The following WWOX variants were observed in gnomAD, a reference collection of about 807,000 sequenced individuals.
WWOX encodes the protein WW domain-containing oxidoreductase.
In WWOX, 69 loss-of-function variants were observed where a neutral mutation model predicts 46.2. That is an observed-to-expected ratio of 1.49 (90% CI 1.23 to 1.82). WWOX has a LOEUF of 1.82. Ranked by LOEUF, WWOX falls within the 40% of genes most tolerant of loss-of-function variation. WWOX has a pLI of 0.00. For missense variants in WWOX, 919 were observed against 542.6 expected, an observed-to-expected ratio of 1.69 and a Z score of -6.89; for synonymous variants, 359 against 202.6, an observed-to-expected ratio of 1.77 and a Z score of -6.56.
chr16:78,947,500 T>C (rs1995868), intron 8 of WWOX, among the ~76,000 whole-genome samples: 2,732 of 152,236 alleles, frequency 0.018, 91 homozygotes, highest in African/African-American at 0.062. Context: ...GCAAATTCAG[T>C]GAATGCAGAG....
At chr16:79,056,552 A>G (rs13337209) in intron 8 of WWOX, among the ~76,000 whole-genome samples, 96,359 of 150,928 alleles carry the variant, frequency 0.64, 31,086 homozygotes, top group African/African-American at 0.71. Context: ...GGGGTTGGAT[A>G]ATTTTTTGTT....
At chr16:78,110,282 G>A (rs1006602533) in intron 3 of WWOX, among the ~76,000 whole-genome samples, 1 of 147,300 alleles carries the variant, frequency 6.8e-6, no homozygotes, top group African/African-American at 2.5e-5. Flanking sequence ...GGAAGTTGCA[G>A]TGAGCTGAGA....
intron 8 of WWOX, among the ~76,000 whole-genome samples, chr16:78,502,964 G>T (rs1015929288): frequency 6.6e-6 from 1 of 152,174 alleles, no homozygotes; most frequent in African/African-American, 2.4e-5. Flanking sequence ...AAGAAAGGAA[G>T]GTGCTGCGAT....
chr16:78,379,077 C>A (rs11860534), intron 5 of WWOX, among the ~76,000 whole-genome samples: 3,462 of 152,146 alleles, frequency 0.023, 133 homozygotes, highest in African/African-American at 0.079. Context: ...TCTGTTTTCT[C>A]ATCTGTAAAA....
chr16:78,838,861 A>C (rs2052062299), intron 8 of WWOX, among the ~76,000 whole-genome samples: 1 of 152,164 alleles, frequency 6.6e-6, no homozygotes, highest in Non-Finnish European at 1.5e-5. Flanking sequence ...AGAAAAGAGA[A>C]GAAAAGGAAA....
intron 5 of WWOX, among the ~76,000 whole-genome samples, chr16:78,222,019 A>G (rs915762277): frequency 1.3e-5 from 2 of 152,202 alleles, no homozygotes; most frequent in Non-Finnish European, 2.9e-5. Context: ...TGCCGAGAAA[A>G]GAAAGTCAAG....
At chr16:79,002,849 G>C (rs2047120665) in intron 8 of WWOX, among the ~76,000 whole-genome samples, 1 of 152,200 alleles carries the variant, frequency 6.6e-6, no homozygotes, top group Non-Finnish European at 1.5e-5. Context: ...ACCTCTTCGA[G>C]ATGCTGATTT....
chr16:79,009,891 G>A (rs1441558399), intron 8 of WWOX, among the ~76,000 whole-genome samples: 1 of 152,176 alleles, frequency 6.6e-6, no homozygotes, highest in African/African-American at 2.4e-5. Flanking sequence ...GTCCTGACCT[G>A]AGCTTTGGAA....
intron 6 of WWOX, among the ~76,000 whole-genome samples, chr16:78,415,033 G>C (rs757575094): frequency 2.0e-5 from 3 of 150,028 alleles, no homozygotes; most frequent in Non-Finnish European, 4.4e-5. Context: ...GTTGGACTAA[G>C]GATATTTATA....
intron 8 of WWOX, among the ~76,000 whole-genome samples, chr16:78,499,270 C>T (rs1037184936): frequency 4.6e-5 from 7 of 152,076 alleles, no homozygotes; most frequent in Non-Finnish European, 7.4e-5. Context: ...CAGCAAGCTA[C>T]GATGTTCTTA....
chr16:78,421,178 T>C (rs928879559), intron 6 of WWOX, among the ~76,000 whole-genome samples: 2 of 152,332 alleles, frequency 1.3e-5, no homozygotes, highest in Non-Finnish European at 1.5e-5. Context: ...TTACCACAGA[T>C]GGAGTGCCTC....
chr16:78,833,783 G>C (rs1237591467), intron 8 of WWOX, among the ~76,000 whole-genome samples: 1 of 152,240 alleles, frequency 6.6e-6, no homozygotes, highest in Non-Finnish European at 1.5e-5. Context: ...GGCATAAGAG[G>C]ATCCGATAAA....
chr16:79,025,569 G>C (rs969084158), intron 8 of WWOX, among the ~76,000 whole-genome samples: 1 of 152,040 alleles, frequency 6.6e-6, no homozygotes, highest in Non-Finnish European at 1.5e-5. Context: ...TACCAGGAGA[G>C]GGGCACAAAT....
intron 4 of WWOX, among the ~76,000 whole-genome samples, chr16:78,132,580 G>A (rs1236013054): frequency 6.6e-6 from 1 of 152,178 alleles, no homozygotes; most frequent in East Asian, 1.9e-4. Flanking sequence ...TCCAGTCCAT[G>A]CTTATAACCT....
At chr16:78,355,434 C>G (rs903951583) in intron 5 of WWOX, 4 of 307,534 alleles carry the variant, frequency 1.3e-5, no homozygotes, top group Admixed American at 8.6e-5. Flanking sequence ...AACCGTGTCT[C>G]TACTAAAAGT....
At chr16:78,931,465 A>G (rs1380800574) in intron 8 of WWOX, among the ~76,000 whole-genome samples, 1 of 152,214 alleles carries the variant, frequency 6.6e-6, no homozygotes, top group African/African-American at 2.4e-5. Context: ...AACTCTGCAT[A>G]GTCAGCAGAT....
At chr16:78,306,124 C>T (rs1319387368) in intron 5 of WWOX, among the ~76,000 whole-genome samples, 2 of 152,040 alleles carry the variant, frequency 1.3e-5, no homozygotes, top group Non-Finnish European at 2.9e-5. Context: ...GATTTGCCTT[C>T]TAGTAATTCA....
At chr16:78,669,814 C>G (rs2047418271) in intron 8 of WWOX, among the ~76,000 whole-genome samples, 1 of 152,114 alleles carries the variant, frequency 6.6e-6, no homozygotes, top group Non-Finnish European at 1.5e-5. Flanking sequence ...ACTCAGAAGA[C>G]TTCATTATTC....
intron 8 of WWOX, among the ~76,000 whole-genome samples, chr16:78,777,015 G>A (rs771874613): frequency 6.6e-5 from 10 of 152,146 alleles, no homozygotes; most frequent in Non-Finnish European, 1.5e-4. Context: ...TTTTTACAGA[G>A]TATATGTGTT....
Sources: allele counts gnomAD v4.1 joint callset (sites outside exome capture counted in the v4.1 genomes callset), GRCh38; gene constraint gnomAD v4.1.1; transcripts MANE v1.5; gene names NCBI Gene and HGNC (gene_info 2026-07-23, HGNC 2026-07-21).